Variants in DACH1 observed in about 807,000 individuals in gnomAD.
The protein encoded by DACH1 is dachshund family transcription factor 1, also known as dachshund homolog 1.
In DACH1, 12 loss-of-function variants were observed where a neutral mutation model predicts 54.2. The observed-to-expected ratio is 0.22, with a 90% CI of 0.14 to 0.36. DACH1 has a LOEUF of 0.36. Ranked by LOEUF, DACH1 falls within the 10% of genes least tolerant of loss-of-function variation. The probability of loss-of-function intolerance (pLI) is 1.00; values close to 1 mark genes in which losing one functional copy is unlikely to be tolerated. For missense variants in DACH1, 805 were observed against 929.8 expected, an observed-to-expected ratio of 0.87 and a Z score of 1.75; for synonymous variants, 386 against 366.2, an observed-to-expected ratio of 1.05 and a Z score of -0.62.
intron 2 of DACH1, among the ~76,000 whole-genome samples, chr13:71,678,007 C>T (rs1279776323): frequency 6.6e-6 from 1 of 152,086 alleles, no homozygotes; most frequent in African/African-American, 2.4e-5. Context: ...CATCAGCCAC[C>T]GCCCCCTAGC....
At chr13:71,538,810 A>T (rs1407587095) in intron 6 of DACH1, among the ~76,000 whole-genome samples, 1 of 152,120 alleles carries the variant, frequency 6.6e-6, no homozygotes, top group Non-Finnish European at 1.5e-5. Flanking sequence ...AAACAAAAAT[A>T]AACACAAGAT....
chr13:71,660,133 A>T (rs900215396), intron 2 of DACH1, among the ~76,000 whole-genome samples: 7 of 152,130 alleles, frequency 4.6e-5, no homozygotes, highest in African/African-American at 1.4e-4. Context: ...AAATAAACAA[A>T]ATAAAATAAA....
chr13:71,734,948 C>T (rs1025602540), intron 1 of DACH1, among the ~76,000 whole-genome samples: 4 of 148,260 alleles, frequency 2.7e-5, no homozygotes, highest in Non-Finnish European at 4.5e-5. Context: ...TAAACACACA[C>T]ACACAGGATA....
At chr13:71,699,908 T>C (rs1882028368) in intron 1 of DACH1, among the ~76,000 whole-genome samples, 1 of 152,192 alleles carries the variant, frequency 6.6e-6, no homozygotes, top group Non-Finnish European at 1.5e-5. Flanking sequence ...TTACTTTCAT[T>C]AAAAAAATGT....
chr13:71,460,726 T>C (rs1875998577), intron 10 of DACH1, among the ~76,000 whole-genome samples: 3 of 152,184 alleles, frequency 2.0e-5, no homozygotes, highest in South Asian at 4.1e-4. Context: ...TTTTAAAATC[T>C]CATTACAAGA....
At chr13:71,764,643 C>T (rs1253324444) in intron 1 of DACH1, among the ~76,000 whole-genome samples, 2 of 152,138 alleles carry the variant, frequency 1.3e-5, no homozygotes, top group South Asian at 2.1e-4. Context: ...TTTCACTCCC[C>T]ATATCTAATA....
At chr13:71,805,817 T>C (rs1459388608) in intron 1 of DACH1, among the ~76,000 whole-genome samples, 1 of 152,204 alleles carries the variant, frequency 6.6e-6, no homozygotes, top group African/African-American at 2.4e-5. Flanking sequence ...GAATTCTTTT[T>C]TTTTGAGATG....
chr13:71,507,044 A>G (rs551704281), intron 6 of DACH1, among the ~76,000 whole-genome samples: 14 of 151,642 alleles, frequency 9.2e-5, no homozygotes, highest in Non-Finnish European at 1.6e-4. Flanking sequence ...ACAAAAGACA[A>G]AATTGACAAA....
At chr13:71,816,060 G>A (rs1887909085) in intron 1 of DACH1, among the ~76,000 whole-genome samples, 2 of 151,772 alleles carry the variant, frequency 1.3e-5, no homozygotes, top group Non-Finnish European at 2.9e-5. Flanking sequence ...ACTCCAGCCT[G>A]GGCGACAGAG....
intron 1 of DACH1, among the ~76,000 whole-genome samples, chr13:71,696,120 TG>T (rs1881819849): frequency 1.3e-5 from 2 of 152,284 alleles, no homozygotes; most frequent in South Asian, 4.1e-4. Context: ...ACTCATTGCC[TG>T]GGTGACGGGG....
chr13:71,733,185 G>A (rs1883828633), intron 1 of DACH1, among the ~76,000 whole-genome samples: 1 of 151,896 alleles, frequency 6.6e-6, no homozygotes, highest in African/African-American at 2.4e-5. Context: ...TTTTTGAGAC[G>A]GAGTCTCATT....
chr13:71,808,486 T>C (rs140924085), intron 1 of DACH1, among the ~76,000 whole-genome samples: 2 of 152,302 alleles, frequency 1.3e-5, no homozygotes, highest in East Asian at 3.9e-4. Flanking sequence ...TATAAACACA[T>C]AACTAATAAA....
intron 1 of DACH1, among the ~76,000 whole-genome samples, chr13:71,823,998 T>A (rs1023745860): frequency 1.3e-5 from 2 of 152,020 alleles, no homozygotes; most frequent in African/African-American, 4.8e-5. Flanking sequence ...AGCTTACTAA[T>A]GTTTTTCTAT....
At chr13:71,726,194 G>A (rs1272936048) in intron 1 of DACH1, among the ~76,000 whole-genome samples, 4 of 152,186 alleles carry the variant, frequency 2.6e-5, no homozygotes, top group Non-Finnish European at 4.4e-5. Context: ...GAGTTGAGGC[G>A]AATAGACCGC....
rs1881756200 is a variant in DACH1 at position 71,695,121 on chromosome 13, A to G, written c.849-13211T>C. ...AGCTATGACATTTTGATTTCTTAAA[A>G]CAGAAGACAGAATTCCATATTTCAG... On this transcript the variant is annotated intron_variant, in intron 1 of 10. Coordinates refer to ENST00000613252, the MANE Select transcript of DACH1 (RefSeq NM_080759.6). 2.6e-5 allele frequency among the ~76,000 whole-genome samples: 4 copies of G among 152,214 alleles called. No homozygotes were observed. In the South Asian group the frequency reaches 8.3e-4, roughly 31 times the overall value.
At chr13:71,768,713 ATTGT>A (rs2138029213) in intron 1 of DACH1, among the ~76,000 whole-genome samples, 1 of 152,032 alleles carries the variant, frequency 6.6e-6, no homozygotes, top group Admixed American at 6.5e-5. Context: ...CTTTTCTGGC[ATTGT>A]TTGATAGATG....
At chr13:71,823,406 C>A (rs1354225289) in intron 1 of DACH1, among the ~76,000 whole-genome samples, 1 of 152,000 alleles carries the variant, frequency 6.6e-6, no homozygotes, top group Non-Finnish European at 1.5e-5. Flanking sequence ...CTTTAGAGAG[C>A]TATCGAGCTA....
At chr13:71,686,593 T>C (rs1001463485) in intron 1 of DACH1, among the ~76,000 whole-genome samples, 4 of 152,216 alleles carry the variant, frequency 2.6e-5, no homozygotes, top group African/African-American at 7.2e-5. Flanking sequence ...GAGCAAGAGA[T>C]GTTAGAGTAC....
chr13:71,751,378 C>T (rs2137979038), intron 1 of DACH1, among the ~76,000 whole-genome samples: 1 of 152,298 alleles, frequency 6.6e-6, no homozygotes, highest in South Asian at 2.1e-4. Context: ...TTATCATGTA[C>T]ACAGATCAAA....
Sources: gnomAD v4.1 joint callset for allele counts (sites outside exome capture counted in the v4.1 genomes callset) on GRCh38, gnomAD v4.1.1 for gene constraint, MANE v1.5 for transcripts, NCBI Gene and HGNC (gene_info 2026-07-23, HGNC 2026-07-21) for gene names.